The following GRM8 variants were observed in gnomAD, a reference collection of about 807,000 sequenced individuals.
The protein encoded by GRM8 is metabotropic glutamate receptor 8.
A neutral mutation model predicts 87.2 loss-of-function variants in GRM8; 47 were observed. That is an observed-to-expected ratio of 0.54 (90% CI 0.43 to 0.69). The LOEUF is 0.69. Among genes scored for constraint, GRM8 ranks in the 30% least tolerant of loss-of-function variants. GRM8 has a pLI of 0.00. For missense variants in GRM8, 1,019 were observed against 1,139.2 expected (o/e 0.89, Z 1.52); for synonymous variants, 396 against 404.5 (o/e 0.98, Z 0.25).
chr7:127,209,290 A>G (rs1002082431), intron 2 of GRM8, among the ~76,000 whole-genome samples: 1 of 152,170 alleles, frequency 6.6e-6, no homozygotes, highest in African/African-American at 2.4e-5. Flanking sequence ...CAAGTACGAA[A>G]TCAGGAAGGA....
intron 7 of GRM8, among the ~76,000 whole-genome samples, chr7:126,646,312 AAGG>A: frequency 1.3e-5 from 2 of 151,794 alleles, no homozygotes; most frequent in Non-Finnish European, 2.9e-5. Flanking sequence ...GGAAAGAAGG[AAGG>A]AAGGAAGAAA....
chr7:126,671,348 A>G (rs892900677), intron 7 of GRM8, among the ~76,000 whole-genome samples: 2 of 152,240 alleles, frequency 1.3e-5, no homozygotes, highest in African/African-American at 4.8e-5. Flanking sequence ...ATGAAAGCCA[A>G]TTCAAAAGGC....
chr7:126,469,874 G>A (rs1298008811), intron 9 of GRM8, among the ~76,000 whole-genome samples: 1 of 152,170 alleles, frequency 6.6e-6, no homozygotes, highest in African/African-American at 2.4e-5. Context: ...CTGTGGAACT[G>A]TGGAACTGGG....
chr7:126,623,923 AC>A (rs573864233), intron 7 of GRM8, among the ~76,000 whole-genome samples: 131 of 152,286 alleles, frequency 8.6e-4, no homozygotes, highest in Middle Eastern at 3.4e-3. Flanking sequence ...AGCCTGGGTG[AC>A]AGAGAGAGAA....
chr7:126,763,771 T>C (rs978954810), intron 7 of GRM8, among the ~76,000 whole-genome samples: 2 of 151,898 alleles, frequency 1.3e-5, no homozygotes, highest in African/African-American at 4.8e-5. Context: ...TAAAATACTA[T>C]TAAAATTCCA....
intron 7 of GRM8, among the ~76,000 whole-genome samples, chr7:126,721,373 G>T (rs560555666): frequency 6.6e-6 from 1 of 151,978 alleles, no homozygotes; most frequent in Admixed American, 6.6e-5. Flanking sequence ...ATATAATGAG[G>T]TTATAAAGAA....
intron 3 of GRM8, among the ~76,000 whole-genome samples, chr7:126,930,274 G>A (rs1297064090): frequency 2.0e-5 from 3 of 152,158 alleles, no homozygotes; most frequent in African/African-American, 7.2e-5. Flanking sequence ...TTATTTTAAT[G>A]GCAATAGTAG....
intron 3 of GRM8, among the ~76,000 whole-genome samples, chr7:127,051,739 C>T (rs7792406): frequency 1.7e-5 from 1 of 58,462 alleles, no homozygotes; most frequent in Non-Finnish European, 3.3e-5. Flanking sequence ...TAATGTTGAG[C>T]AAAAAAAAAA....
chr7:126,718,252 T>C (rs1436358181), intron 7 of GRM8, among the ~76,000 whole-genome samples: 3 of 151,794 alleles, frequency 2.0e-5, no homozygotes, highest in Admixed American at 6.6e-5. Flanking sequence ...ATAATAATAA[T>C]AACTTCAGTG....
chr7:126,487,389 C>CAA (rs1272706005), intron 9 of GRM8, among the ~76,000 whole-genome samples: 1 of 151,912 alleles, frequency 6.6e-6, no homozygotes, highest in Non-Finnish European at 1.5e-5. Context: ...CTCAACCTCC[C>CAA]AAGTAGCAGG....
At chr7:126,648,885 A>G (rs1289383695) in intron 7 of GRM8, among the ~76,000 whole-genome samples, 2 of 152,202 alleles carry the variant, frequency 1.3e-5, no homozygotes, top group Non-Finnish European at 1.5e-5. Flanking sequence ...TATTTACTGG[A>G]GTAGTTATCT....
chr7:126,839,486 T>C (rs2130558276), intron 6 of GRM8, among the ~76,000 whole-genome samples: 1 of 152,314 alleles, frequency 6.6e-6, no homozygotes, highest in Non-Finnish European at 1.5e-5. Flanking sequence ...CAGCTCTTCC[T>C]GAAGATGCAA....
intron 6 of GRM8, among the ~76,000 whole-genome samples, chr7:126,842,730 T>C (rs1185149563): frequency 1.3e-5 from 2 of 152,112 alleles, no homozygotes; most frequent in African/African-American, 2.4e-5. Flanking sequence ...GCTTTGAAGA[T>C]AGAAGGTGTC....
intron 2 of GRM8, among the ~76,000 whole-genome samples, chr7:127,139,363 G>A (rs757807895): frequency 2.0e-5 from 3 of 152,040 alleles, no homozygotes; most frequent in African/African-American, 4.8e-5. Context: ...GGCAAACTAT[G>A]ACAGTCACAG....
intron 6 of GRM8, among the ~76,000 whole-genome samples, chr7:126,842,338 T>C (rs1040572872): frequency 6.6e-6 from 1 of 152,186 alleles, no homozygotes; most frequent in African/African-American, 2.4e-5. Flanking sequence ...AAGCAAGTGA[T>C]TTCTAAGTTA....
At chr7:126,561,242 G>A (rs1208037101) in intron 8 of GRM8, among the ~76,000 whole-genome samples, 1 of 152,206 alleles carries the variant, frequency 6.6e-6, no homozygotes, top group South Asian at 2.1e-4. Context: ...GGAGGCCAAG[G>A]TGGGCGGATC....
chr7:126,769,420 T>A (rs974917963), intron 7 of GRM8, among the ~76,000 whole-genome samples: 1 of 152,046 alleles, frequency 6.6e-6, no homozygotes, highest in African/African-American at 2.4e-5. Context: ...TTAACACTCG[T>A]TGAGTATAAA....
chr7:126,463,770 T>C lies in GRM8; in HGVS notation c.2431-17398A>G, dbSNP rs180697748. ...TCAGCAGCTTTGCACTTGTGCCTGA[T>C]GTACAACTTTCTCTTTTGACCTCTT... On this transcript the variant is annotated intron_variant, in intron 9 of 10. Transcript: ENST00000339582. Among the ~76,000 whole-genome samples the C allele has an allele frequency of 4.0e-5, 6 of 151,678 alleles. No homozygotes were observed. The East Asian group carries it at 1.2e-3, about 30-fold the overall frequency.
intron 8 of GRM8, among the ~76,000 whole-genome samples, chr7:126,548,164 C>T (rs1389377719): frequency 6.6e-6 from 1 of 151,796 alleles, no homozygotes; most frequent in East Asian, 1.9e-4. Context: ...TGGGGCCTGT[C>T]GTGGGGTGGA....
Sources: allele counts gnomAD v4.1 joint callset (sites outside exome capture counted in the v4.1 genomes callset), GRCh38; gene constraint gnomAD v4.1.1; transcripts MANE v1.5; gene names NCBI Gene and HGNC (gene_info 2026-07-23, HGNC 2026-07-21).